The following GRID1 variants were observed in gnomAD, a reference collection of about 807,000 sequenced individuals.
The protein encoded by GRID1 is glutamate ionotropic receptor delta type subunit 1.
A neutral mutation model predicts 98.0 loss-of-function variants in GRID1; 28 were observed. The observed-to-expected ratio is 0.29, with a 90% CI of 0.21 to 0.39. The LOEUF (loss-of-function observed/expected upper bound fraction) is 0.39. Ranked by LOEUF, GRID1 falls within the 10% of genes least tolerant of loss-of-function variation. The pLI is 1.00. For missense variants in GRID1, 1,111 were observed against 1,340.5 expected (o/e 0.83, Z 2.67); for synonymous variants, 553 against 538.5 (o/e 1.03, Z -0.37).
Position 85,963,576 on chromosome 10 carries a change from T to C in GRID1, c.727-47337A>G, listed in dbSNP as rs115175299. On this transcript the variant is annotated intron_variant, in intron 4 of 15. Coordinates refer to ENST00000327946, the MANE Select transcript of GRID1 (RefSeq NM_017551.3). The stretch of plus-strand genomic sequence containing the variant: ...TGATGATCTCCCCATCCTCCACTCT[T>C]ACCACGCCCAACCTGATTCCAAAGC... 1.8e-3 allele frequency among the ~76,000 whole-genome samples: 272 copies of C among 152,292 alleles called. 1 individual carries two copies. Among genetic ancestry groups the C allele is most frequent in the African/African-American group, 6.0e-3 (251 of 41,582 alleles).
chr10:86,112,040 G>C (rs1250904947), intron 4 of GRID1, among the ~76,000 whole-genome samples: 2 of 152,212 alleles, frequency 1.3e-5, no homozygotes, highest in Middle Eastern at 3.2e-3. Context: ...AGGCAAGGCT[G>C]CAGGTAGGCA....
intron 4 of GRID1, among the ~76,000 whole-genome samples, chr10:85,980,007 G>T (rs1842524727): frequency 6.6e-6 from 1 of 152,260 alleles, no homozygotes; most frequent in South Asian, 2.1e-4. Flanking sequence ...AGCAGTCACT[G>T]CTTAGAAGCC....
intron 4 of GRID1, among the ~76,000 whole-genome samples, chr10:86,138,099 A>G (rs1379496219): frequency 1.3e-5 from 2 of 152,100 alleles, no homozygotes; most frequent in Non-Finnish European, 2.9e-5. Flanking sequence ...AAACCAACCC[A>G]GGCCAGAGGG....
chr10:85,630,281 C>T (rs1231161822), intron 13 of GRID1, among the ~76,000 whole-genome samples: 2 of 152,170 alleles, frequency 1.3e-5, no homozygotes, highest in Non-Finnish European at 2.9e-5. Flanking sequence ...TATCTAAGCC[C>T]TCTGAGCTGA....
At chr10:86,118,505 A>G (rs1844618606) in intron 4 of GRID1, among the ~76,000 whole-genome samples, 2 of 152,178 alleles carry the variant, frequency 1.3e-5, no homozygotes, top group Admixed American at 1.3e-4. Context: ...AAATTTTAAA[A>G]ATTAAAATAA....
chr10:85,822,886 T>C (rs1050276789), intron 8 of GRID1, among the ~76,000 whole-genome samples: 3 of 152,180 alleles, frequency 2.0e-5, no homozygotes, highest in African/African-American at 7.2e-5. Context: ...ACATCCTTTG[T>C]AGGGACATGG....
chr10:85,799,801 T>C (rs1210778318), intron 8 of GRID1, among the ~76,000 whole-genome samples: 1 of 152,026 alleles, frequency 6.6e-6, no homozygotes, highest in Non-Finnish European at 1.5e-5. Flanking sequence ...CTCAGTTGCA[T>C]AGTAGGGTGA....
At chr10:85,693,060 T>A (rs529856653) in intron 12 of GRID1, among the ~76,000 whole-genome samples, 60 of 152,206 alleles carry the variant, frequency 3.9e-4, no homozygotes, top group African/African-American at 1.4e-3. Flanking sequence ...GTACTTACAA[T>A]ATGGAGAAAG....
chr10:86,215,072 G>C (rs1489977618), intron 2 of GRID1, among the ~76,000 whole-genome samples: 1 of 152,200 alleles, frequency 6.6e-6, no homozygotes, highest in East Asian at 1.9e-4. Context: ...GGTTCACTGA[G>C]AGTTTGCAGA....
Position 85,744,659 on chromosome 10 carries a change from G to A in GRID1, c.1234-15045C>T, listed in dbSNP as rs555795496. Among the ~76,000 whole-genome samples, 170 of 94,444 alleles carry A rather than the reference G, an allele frequency of 1.8e-3. 1 individual carries two copies. Among genetic ancestry groups the A allele is most frequent in the African/African-American group, 7.5e-3 (166 of 22,010 alleles). 62.0% of individuals were successfully genotyped at this position (94,444 alleles called of 152,430 possible). On this transcript the variant is annotated intron_variant, in intron 8 of 15. Transcript: ENST00000327946. ...GCATTACCATTCAGGACATAGGCACGGGCAAGGACTTCATGTCCAAAACAC... is the reference window on the plus strand; with the variant it reads ...GCATTACCATTCAGGACATAGGCACAGGCAAGGACTTCATGTCCAAAACAC...
At chr10:85,714,383 A>G (rs371189927) in intron 12 of GRID1, among the ~76,000 whole-genome samples, 1 of 152,094 alleles carries the variant, frequency 6.6e-6, no homozygotes, top group African/African-American at 2.4e-5. Flanking sequence ...ACAAACCTGT[A>G]CATGTACCCC....
intron 8 of GRID1, among the ~76,000 whole-genome samples, chr10:85,814,857 A>T (rs1190481650): frequency 6.6e-6 from 1 of 151,934 alleles, no homozygotes; most frequent in Non-Finnish European, 1.5e-5. Context: ...ATTCTGCACA[A>T]TTTCTTCTAG....
chr10:85,909,849 G>C (rs1841513152), intron 5 of GRID1, among the ~76,000 whole-genome samples: 1 of 152,002 alleles, frequency 6.6e-6, no homozygotes, highest in Admixed American at 6.5e-5. Flanking sequence ...TGGTTTCCTG[G>C]GTATATACAT....
chr10:86,306,271 C>G (rs141623832), intron 2 of GRID1, among the ~76,000 whole-genome samples: 4,102 of 152,334 alleles, frequency 0.027, 130 homozygotes, highest in African/African-American at 0.08. Flanking sequence ...AGTTGGTCCC[C>G]TGCTACAGCT....
intron 4 of GRID1, among the ~76,000 whole-genome samples, chr10:86,107,788 A>G (rs1844413918): frequency 6.6e-6 from 1 of 152,214 alleles, no homozygotes; most frequent in Admixed American, 6.5e-5. Flanking sequence ...CCAGCCAGCC[A>G]CTGACCAGCA....
At chr10:85,708,159 C>T (rs1355815113) in intron 12 of GRID1, among the ~76,000 whole-genome samples, 1 of 146,816 alleles carries the variant, frequency 6.8e-6, no homozygotes, top group Non-Finnish European at 1.5e-5. Flanking sequence ...ATCCCCAGCA[C>T]TTTGGGAGGC....
chr10:85,780,864 G>A (rs1423706065), intron 8 of GRID1, among the ~76,000 whole-genome samples: 2 of 152,192 alleles, frequency 1.3e-5, no homozygotes, highest in Non-Finnish European at 2.9e-5. Flanking sequence ...AAACTTCCTG[G>A]CACATAGTGT....
chr10:85,640,382 T>C (rs1231202713), intron 13 of GRID1, among the ~76,000 whole-genome samples: 1 of 152,222 alleles, frequency 6.6e-6, no homozygotes, highest in African/African-American at 2.4e-5. Flanking sequence ...CTTGCTGTTA[T>C]AGAGAGCAGT....
At chr10:86,028,817 TTA>T (rs1843149379) in intron 4 of GRID1, among the ~76,000 whole-genome samples, 1 of 152,150 alleles carries the variant, frequency 6.6e-6, no homozygotes, top group Non-Finnish European at 1.5e-5. Flanking sequence ...AGCAAAATAT[TTA>T]TACTTAAAAA....
Sources: allele counts gnomAD v4.1 joint callset (sites outside exome capture counted in the v4.1 genomes callset), GRCh38; gene constraint gnomAD v4.1.1; transcripts MANE v1.5; gene names NCBI Gene and HGNC (gene_info 2026-07-23, HGNC 2026-07-21).